AKAP13: variants seen among roughly 807,000 people sequenced by gnomAD.
The protein encoded by AKAP13 is A-kinase anchoring protein 13, also known as A-kinase anchor protein 13.
Under a neutral mutation model 264.5 loss-of-function variants are expected in AKAP13, and 80 were observed. That is an observed-to-expected ratio of 0.30 (90% CI 0.25 to 0.36). AKAP13 has a LOEUF of 0.36. Ranked by LOEUF, AKAP13 falls within the 10% of genes least tolerant of loss-of-function variation. The probability of loss-of-function intolerance (pLI) is 1.00; values close to 1 mark genes in which losing one functional copy is unlikely to be tolerated. For synonymous variants in AKAP13, 1,380 were observed against 1,250.2 expected (o/e 1.10, Z -2.19); for missense variants, 3,712 against 3,435.2 (o/e 1.08, Z -2.01).
Position 85,580,026 on chromosome 15 carries a change from G to A in AKAP13, c.1958G>A (p.Cys653Tyr). 6.2e-7 allele frequency: 1 copy of A among 1,614,154 alleles called. No homozygotes were observed. Among genetic ancestry groups the A allele is most frequent in the Non-Finnish European group, 8.5e-7 (1 of 1,180,022 alleles). The change falls in exon 7 of 37, where the codon TGT becomes TAT. Residue 653 changes from cysteine to tyrosine, a missense_variant. This residue lies in a region of AKAP13 where 2,759 missense variants were observed against 2,411.7 expected (regional missense o/e 1.14). Coordinates refer to ENST00000394518, the MANE Select transcript of AKAP13 (RefSeq NM_007200.5). ...QSQKGKSSPICSTTGDDKLCA... is the reference protein window; with the variant it reads ...QSQKGKSSPIYSTTGDDKLCA... ...CAAAAGGGCAAATCCTCACCCATTT[G>A]TTCTACAACTGGAGACGATAAACTT...
intron 1 of AKAP13, among the ~76,000 whole-genome samples, chr15:85,483,888 T>G (rs1454871908): frequency 2.0e-5 from 3 of 152,160 alleles, no homozygotes; most frequent in African/African-American, 7.2e-5. Context: ...ATTATTAGTG[T>G]TAGTATATTT....
At chr15:85,619,590 A>G in intron 8 of AKAP13, 1 of 985,472 alleles carries the variant, frequency 1.0e-6, no homozygotes, top group Non-Finnish European at 1.2e-6. Context: ...GACTTTTTTC[A>G]TGCCATCGCT....
chr15:85,443,772 AGTGTGTGT>A (rs34514718), intron 1 of AKAP13, among the ~76,000 whole-genome samples: 13 of 146,052 alleles, frequency 8.9e-5, no homozygotes, highest in Admixed American at 2.0e-4. Flanking sequence ...AAAAAAAAAA[AGTGTGTGT>A]GTGTGTGTGT....
chr15:85,562,593 ATATATATATATATC>A (rs1252058855), intron 5 of AKAP13, among the ~76,000 whole-genome samples: 2 of 130,142 alleles, frequency 1.5e-5, no homozygotes, highest in African/African-American at 5.6e-5. Context: ...ATATATATAT[ATATATATATATATC>A]TCTGTCCTTA....
At chr15:85,642,039 C>G (rs2082331542) in intron 9 of AKAP13, among the ~76,000 whole-genome samples, 1 of 152,164 alleles carries the variant, frequency 6.6e-6, no homozygotes, top group Admixed American at 6.5e-5. Flanking sequence ...AAATTACAGA[C>G]AGATTTACAT....
At position 85,691,736 on chromosome 15, in the gene AKAP13, C is replaced by A. The variant is rs549387734; in HGVS notation, c.5290-1541C>A. ...GCTTTGTACCTAGCCCGGTTTTGGCCTGCTCAGTAAGTAGAAGCACCTGGG... is the reference window on the plus strand; with the variant it reads ...GCTTTGTACCTAGCCCGGTTTTGGCATGCTCAGTAAGTAGAAGCACCTGGG... On this transcript the variant is annotated intron_variant, in intron 16 of 36. Transcript: ENST00000394518. 38 of 453,256 alleles carry A rather than the reference C, an allele frequency of 8.4e-5. 1 individual carries two copies. The highest frequency in any genetic ancestry group is 5.8e-4 in the South Asian group (37 of 64,110). 28.1% of individuals were successfully genotyped at this position (453,256 alleles called of 1,614,324 possible).
At chr15:85,730,391 G>C in intron 29 of AKAP13, 122 bp from the exon 30 acceptor site, 2 of 923,274 alleles carry the variant, frequency 2.2e-6, no homozygotes, top group Non-Finnish European at 3.3e-6. Flanking sequence ...GGCAGTGTGG[G>C]TGGGGAGGGT....
intron 29 of AKAP13, among the ~76,000 whole-genome samples, chr15:85,729,333 G>A (rs1442832294): frequency 2.0e-5 from 3 of 152,064 alleles, no homozygotes; most frequent in East Asian, 1.9e-4. Context: ...GAGTCTGGTC[G>A]GTTGGTGGTA....
At chr15:85,706,007 T>C (rs984686747) in intron 17 of AKAP13, among the ~76,000 whole-genome samples, 10 of 152,252 alleles carry the variant, frequency 6.6e-5, no homozygotes, top group Non-Finnish European at 1.5e-4. Context: ...CTGAAAAACA[T>C]AGATCTACTA....
chr15:85,441,944 TAAG>T (rs1310848879), intron 1 of AKAP13, among the ~76,000 whole-genome samples: 2 of 152,200 alleles, frequency 1.3e-5, no homozygotes, highest in Non-Finnish European at 1.5e-5. Flanking sequence ...TTCTGCCCTT[TAAG>T]AAGATATTCA....
chr15:85,610,880 G>A (rs1258535219), intron 8 of AKAP13, among the ~76,000 whole-genome samples: 4 of 152,220 alleles, frequency 2.6e-5, no homozygotes, highest in African/African-American at 9.6e-5. Context: ...TTGGGAGGCT[G>A]AGGCAGGAGA....
At chr15:85,563,334 T>G (rs1165810159) in intron 5 of AKAP13, among the ~76,000 whole-genome samples, 1 of 131,622 alleles carries the variant, frequency 7.6e-6, no homozygotes, top group African/African-American at 3.2e-5. Flanking sequence ...TGCTTGTTTT[T>G]TTTTTTTTTT....
Position 85,735,285 on chromosome 15 carries a change from G to A in AKAP13, c.7441+135G>A, listed in dbSNP as rs1031347720. The A allele has an allele frequency of 4.6e-5, 56 of 1,220,668 alleles. 2 individuals are homozygous for A. In the South Asian group the frequency reaches 7.2e-4, roughly 16 times the overall value. The allele number at this position is 1,220,668 out of a possible 1,614,324, so 75.6% of individuals were successfully genotyped here. Reference sequence around the variant, plus strand: ...CTTAGTGAGATTTCAAGACACTCAAGAGCTTGTCAGTCAGACTCATATTCA... The same window carrying A: ...CTTAGTGAGATTTCAAGACACTCAAAAGCTTGTCAGTCAGACTCATATTCA... On this transcript the variant is annotated intron_variant, in intron 31 of 36. Transcript: ENST00000394518.
intron 1 of AKAP13, among the ~76,000 whole-genome samples, chr15:85,411,526 T>G (rs994354221): frequency 6.6e-6 from 1 of 152,020 alleles, no homozygotes; most frequent in Non-Finnish European, 1.5e-5. Context: ...CAAGCTCCGC[T>G]TCCCGGGTTC....
At chr15:85,574,229 A>G (rs565341711) in intron 5 of AKAP13, among the ~76,000 whole-genome samples, 1 of 152,296 alleles carries the variant, frequency 6.6e-6, no homozygotes, top group East Asian at 1.9e-4. Context: ...ATAATATGAG[A>G]TTGTGTGGGG....
chr15:85,466,767 A>G (rs556596135), intron 1 of AKAP13, among the ~76,000 whole-genome samples: 1 of 152,334 alleles, frequency 6.6e-6, no homozygotes, highest in African/African-American at 2.4e-5. Flanking sequence ...AAACACCAGA[A>G]TAAGCTTTTA....
chr15:85,386,284 A>G (rs1440689776), intron 1 of AKAP13, among the ~76,000 whole-genome samples: 1 of 150,960 alleles, frequency 6.6e-6, no homozygotes, highest in Non-Finnish European at 1.5e-5. Flanking sequence ...TTTCCCCTAT[A>G]TTTCCTCCTA....
chr15:85,727,647 C>T lies in AKAP13; in HGVS notation c.7087+184C>T, dbSNP rs1816019. 0.016 allele frequency among the ~76,000 whole-genome samples: 2,435 copies of T among 152,222 alleles called. 37 individuals carry two copies. Among genetic ancestry groups the T allele is most frequent in the Non-Finnish European group, 0.026 (1,738 of 68,020 alleles). ...CCAAGGCCAGGCTGACATGGGTCCTCGTAAAGAATGGCTGCAAGGATGTTT... is the reference window on the plus strand; with the variant it reads ...CCAAGGCCAGGCTGACATGGGTCCTTGTAAAGAATGGCTGCAAGGATGTTT... On this transcript the variant is annotated intron_variant, in intron 29 of 36. Transcript: ENST00000394518. This position sits in a 1 kb window ranked among gnomAD's most constrained non-coding sequence, Gnocchi z 5.3.
chr15:85,390,854 T>C (rs1422032841), intron 1 of AKAP13, among the ~76,000 whole-genome samples: 2 of 152,190 alleles, frequency 1.3e-5, no homozygotes, highest in Non-Finnish European at 2.9e-5. Context: ...GGGGAAGATG[T>C]GGAATCAGTT....
Sources: gnomAD v4.1 joint callset for allele counts (sites outside exome capture counted in the v4.1 genomes callset) on GRCh38, gnomAD v4.1.1 for gene constraint, gnomAD v4.1.1 regional missense constraint, Gnocchi (gnomAD v3.1) non-coding constraint, MANE v1.5 for transcripts, NCBI Gene and HGNC (gene_info 2026-07-23, HGNC 2026-07-21) for gene names.